TRIM9: variants seen among roughly 807,000 people sequenced by gnomAD.
TRIM9 encodes the protein E3 ubiquitin-protein ligase TRIM9.
TRIM9 carries 26 observed loss-of-function variants against 78.3 expected under a neutral mutation model. That is an observed-to-expected ratio of 0.33 (90% confidence interval 0.24 to 0.46). TRIM9 has a LOEUF of 0.46. Among genes scored for constraint, TRIM9 ranks in the 20% least tolerant of loss-of-function variants. TRIM9 has a pLI of 1.00. For missense variants in TRIM9, 787 were observed against 1,036.4 expected (o/e 0.76, Z 3.30); for synonymous variants, 398 against 416.5 (o/e 0.96, Z 0.54).
chr14:51,004,715 A>T (rs1441887306), intron 5 of TRIM9, among the ~76,000 whole-genome samples: 2 of 152,232 alleles, frequency 1.3e-5, no homozygotes, highest in African/African-American at 4.8e-5. Flanking sequence ...AAATGGAAAC[A>T]CAGTAAGGTT....
intron 1 of TRIM9, among the ~76,000 whole-genome samples, chr14:51,084,704 T>G (rs2063596912): frequency 6.6e-6 from 1 of 152,220 alleles, no homozygotes; most frequent in South Asian, 2.1e-4. Flanking sequence ...TGACACCATT[T>G]TATTAGTTTT....
At chr14:51,003,711 T>G (rs1046454388) in intron 5 of TRIM9, among the ~76,000 whole-genome samples, 1 of 151,758 alleles carries the variant, frequency 6.6e-6, no homozygotes, top group African/African-American at 2.4e-5. Context: ...TTAGACAAAT[T>G]AGCAAATGGA....
intron 5 of TRIM9, among the ~76,000 whole-genome samples, chr14:51,003,753 AAAAG>A (rs1186624752): frequency 1.3e-5 from 2 of 152,314 alleles, no homozygotes; most frequent in African/African-American, 2.4e-5. Context: ...GAGGAAAAAA[AAAAG>A]AAAGAACTAA....
intron 1 of TRIM9, among the ~76,000 whole-genome samples, chr14:51,076,076 G>A (rs894778734): frequency 2.0e-5 from 3 of 152,010 alleles, no homozygotes; most frequent in African/African-American, 4.8e-5. Flanking sequence ...TGCAAATGCT[G>A]GGCAACTTTT....
At chr14:51,015,838 T>C (rs1462190513) in intron 3 of TRIM9, among the ~76,000 whole-genome samples, 1 of 152,186 alleles carries the variant, frequency 6.6e-6, no homozygotes, top group Admixed American at 6.5e-5. Context: ...TCTCTCATCA[T>C]AGGTTTTGAT....
At chr14:51,040,422 C>T (rs1284943193) in intron 1 of TRIM9, among the ~76,000 whole-genome samples, 3 of 152,150 alleles carry the variant, frequency 2.0e-5, no homozygotes, top group African/African-American at 4.8e-5. Context: ...CATCTAGTCC[C>T]ATGGTAACTG....
chr14:51,048,721 A>G (rs1350400091), intron 1 of TRIM9, among the ~76,000 whole-genome samples: 1 of 152,122 alleles, frequency 6.6e-6, no homozygotes, highest in Non-Finnish European at 1.5e-5. Context: ...GCAGTGGCTC[A>G]CGCCTGTAAT....
At chr14:50,979,082 G>C (rs541458713) in intron 12 of TRIM9, 1 of 1,331,708 alleles carries the variant, frequency 7.5e-7, no homozygotes, top group South Asian at 2.4e-5. Context: ...TTGGTTAAAG[G>C]CTTTCGTTTC....
chr14:51,011,010 A>C (rs2056505718), intron 3 of TRIM9, among the ~76,000 whole-genome samples: 1 of 152,156 alleles, frequency 6.6e-6, no homozygotes, highest in Non-Finnish European at 1.5e-5. Flanking sequence ...ATTGTTCTGC[A>C]TCTTTTTCCT....
At chr14:50,985,857 C>G (rs1429532726) in intron 8 of TRIM9, 99 bp downstream of exon 8, 1 of 1,102,170 alleles carries the variant, frequency 9.1e-7, no homozygotes, top group South Asian at 2.6e-5. Flanking sequence ...TAGCTCATCC[C>G]CCTCACCACG....
chr14:50,997,543 C>T (rs1208671414), intron 7 of TRIM9: 11 of 987,634 alleles, frequency 1.1e-5, no homozygotes, highest in Non-Finnish European at 1.3e-5. Flanking sequence ...CCAACAGGCC[C>T]TCTCTAAACA....
chr14:50,978,932 G>A (rs1339345435), intron 12 of TRIM9: 1 of 1,048,256 alleles, frequency 9.5e-7, no homozygotes, highest in Non-Finnish European at 1.1e-6. Context: ...CTACCCCTTA[G>A]GACCTAACAG....
intron 1 of TRIM9, among the ~76,000 whole-genome samples, chr14:51,086,855 G>A (rs1214941507): frequency 2.6e-5 from 4 of 152,204 alleles, no homozygotes; most frequent in African/African-American, 9.6e-5. Context: ...AGACAGGCGT[G>A]TTGAGGAGGG....
At position 51,042,613 on chromosome 14, in the gene TRIM9, C is replaced by T. The variant is rs186224289; in HGVS notation, c.823-17253G>A. Among the ~76,000 whole-genome samples, 11 of 152,282 alleles carry T rather than the reference C, an allele frequency of 7.2e-5. No individual in the cohort carries two copies. In the East Asian group the frequency reaches 1.5e-3, roughly 21 times the overall value. On this transcript the variant is annotated intron_variant, in intron 1 of 12. Coordinates refer to ENST00000684578, the MANE Select transcript of TRIM9 (RefSeq NM_001387360.1). ...TGACATTAATTTTACCCTGATGTTA[C>T]AAAGGTAAACCCGATATTATCTTTT...
At chr14:51,049,718 C>T (rs577128918) in intron 1 of TRIM9, among the ~76,000 whole-genome samples, 5 of 151,048 alleles carry the variant, frequency 3.3e-5, no homozygotes, top group East Asian at 3.9e-4. Flanking sequence ...TCTAGCTACT[C>T]GGGAGATTGA....
chr14:51,031,162 A>AAG (rs1555341000), intron 1 of TRIM9, among the ~76,000 whole-genome samples: 11 of 150,448 alleles, frequency 7.3e-5, no homozygotes, highest in East Asian at 1.9e-4. Flanking sequence ...AAAAAAAAAA[A>AAG]AAAGAAAGAA....
chr14:51,063,728 A>G (rs1037622394), intron 1 of TRIM9, among the ~76,000 whole-genome samples: 1 of 152,166 alleles, frequency 6.6e-6, no homozygotes, highest in African/African-American at 2.4e-5. Context: ...AGAATTTTAC[A>G]TCCAAAGAAA....
intron 5 of TRIM9, among the ~76,000 whole-genome samples, chr14:51,002,529 A>G (rs2055216476): frequency 6.6e-6 from 1 of 152,118 alleles, no homozygotes; most frequent in African/African-American, 2.4e-5. Context: ...ATAACAGGAG[A>G]GAACAGCTTG....
At chr14:51,085,280 T>C (rs2063647608) in intron 1 of TRIM9, among the ~76,000 whole-genome samples, 1 of 152,328 alleles carries the variant, frequency 6.6e-6, no homozygotes, top group Non-Finnish European at 1.5e-5. Context: ...GAATTAACCA[T>C]CTACATGTAC....
Sources: allele counts gnomAD v4.1 joint callset (sites outside exome capture counted in the v4.1 genomes callset), GRCh38; gene constraint gnomAD v4.1.1; transcripts MANE v1.5; gene names NCBI Gene and HGNC (gene_info 2026-07-23, HGNC 2026-07-21).